CAMKMT: variants seen among roughly 807,000 people sequenced by gnomAD.
CAMKMT encodes CaM KMT.
A neutral mutation model predicts 48.0 loss-of-function variants in CAMKMT; 53 were observed. The observed-to-expected ratio is 1.10, with a 90% confidence interval of 0.89 to 1.39. The LOEUF (loss-of-function observed/expected upper bound fraction) is 1.39. Ranked by LOEUF, CAMKMT falls within the 40% of genes most tolerant of loss-of-function variation. The pLI is 0.00. For missense variants in CAMKMT, 428 were observed against 402.7 expected (o/e 1.06, Z -0.54); for synonymous variants, 165 against 152.3 (o/e 1.08, Z -0.61).
intron 3 of CAMKMT, among the ~76,000 whole-genome samples, chr2:44,574,006 G>A (rs545217917): frequency 6.6e-6 from 1 of 152,156 alleles, no homozygotes; most frequent in African/African-American, 2.4e-5. Flanking sequence ...TTTTTCTTGA[G>A]TGTTTTTATT....
chr2:44,547,265 A>G (rs113024497), intron 3 of CAMKMT, among the ~76,000 whole-genome samples: 2 of 152,162 alleles, frequency 1.3e-5, no homozygotes, highest in African/African-American at 4.8e-5. Context: ...GCAGAAGTAA[A>G]AGTAAAAACT....
At chr2:44,381,862 C>A (rs1437997958) in intron 2 of CAMKMT, among the ~76,000 whole-genome samples, 1 of 151,538 alleles carries the variant, frequency 6.6e-6, no homozygotes. Context: ...TTGAAGGAAC[C>A]GTATATTGCT....
chr2:44,510,880 G>T (rs560322721), intron 3 of CAMKMT, among the ~76,000 whole-genome samples: 1 of 151,668 alleles, frequency 6.6e-6, no homozygotes, highest in South Asian at 2.1e-4. Context: ...TTGCTGTGTT[G>T]CCCAGGCTGG....
At chr2:44,578,631 C>T (rs1349278431) in intron 3 of CAMKMT, among the ~76,000 whole-genome samples, 1 of 152,126 alleles carries the variant, frequency 6.6e-6, no homozygotes, top group Non-Finnish European at 1.5e-5. Flanking sequence ...GAAACACTTT[C>T]CTAGTTCTAC....
intron 3 of CAMKMT, among the ~76,000 whole-genome samples, chr2:44,611,221 C>T (rs988640848): frequency 5.9e-5 from 9 of 152,226 alleles, no homozygotes; most frequent in Middle Eastern, 6.8e-3. Flanking sequence ...CACCCGAGGT[C>T]AGGAGTTGGA....
intron 3 of CAMKMT, among the ~76,000 whole-genome samples, chr2:44,488,843 TTG>T (rs142299931): frequency 1.8e-3 from 249 of 141,966 alleles, no homozygotes; most frequent in East Asian, 3.9e-3. Flanking sequence ...CTTAGGGTAT[TTG>T]TGTGTGTGTG....
chr2:44,482,374 C>T (rs1199574620), intron 3 of CAMKMT, among the ~76,000 whole-genome samples: 1 of 152,008 alleles, frequency 6.6e-6, no homozygotes, highest in Non-Finnish European at 1.5e-5. Flanking sequence ...TCCAAAAATT[C>T]TTCAGGAGGT....
chr2:44,771,932 T>C, intron 10 of CAMKMT, 104 bp from the exon 11 acceptor site: 1 of 761,384 alleles, frequency 1.3e-6, no homozygotes, highest in South Asian at 1.7e-5. Context: ...TCCAGAACTA[T>C]ATATTTTGGT....
At chr2:44,507,375 A>G (rs1334464345) in intron 3 of CAMKMT, among the ~76,000 whole-genome samples, 1 of 152,176 alleles carries the variant, frequency 6.6e-6, no homozygotes, top group East Asian at 1.9e-4. Context: ...AGCACTTATA[A>G]AAAAAACCTT....
intron 3 of CAMKMT, among the ~76,000 whole-genome samples, chr2:44,493,885 C>A (rs1000239813): frequency 6.6e-6 from 1 of 152,008 alleles, no homozygotes; most frequent in South Asian, 2.1e-4. Context: ...AACTGTTAAC[C>A]CTAATTTATT....
At chr2:44,559,524 C>G (rs1668210756) in intron 3 of CAMKMT, among the ~76,000 whole-genome samples, 1 of 150,788 alleles carries the variant, frequency 6.6e-6, no homozygotes, top group African/African-American at 2.4e-5. Flanking sequence ...TTTCTTCAAA[C>G]TAAGAATTTC....
chr2:44,438,920 C>T (rs538724314), intron 3 of CAMKMT, among the ~76,000 whole-genome samples: 2 of 152,282 alleles, frequency 1.3e-5, no homozygotes, highest in East Asian at 1.9e-4. Context: ...CACGGCATCC[C>T]CTTAACCCCT....
chr2:44,584,950 G>T (rs1669771289), intron 3 of CAMKMT, among the ~76,000 whole-genome samples: 1 of 151,926 alleles, frequency 6.6e-6, no homozygotes, highest in African/African-American at 2.4e-5. Flanking sequence ...AGCTACTTGG[G>T]AGGCTGAGGC....
intron 3 of CAMKMT, among the ~76,000 whole-genome samples, chr2:44,506,403 G>A (rs1208597118): frequency 6.6e-6 from 1 of 152,080 alleles, no homozygotes; most frequent in Non-Finnish European, 1.5e-5. Context: ...CCTTGCATGT[G>A]AGACAGTTTT....
chr2:44,626,475 G>C (rs1409664789), intron 3 of CAMKMT, among the ~76,000 whole-genome samples: 1 of 151,838 alleles, frequency 6.6e-6, no homozygotes, highest in African/African-American at 2.4e-5. Flanking sequence ...AGTCCATTTG[G>C]GCTATTATGT....
intron 1 of CAMKMT, among the ~76,000 whole-genome samples, chr2:44,372,041 TTGAAATTCAAC>T (rs1463669919): frequency 6.6e-6 from 1 of 152,182 alleles, no homozygotes; most frequent in East Asian, 1.9e-4. Flanking sequence ...TAGGTAAGCT[TTGAAATTCAAC>T]TTTTCTCTCC....
Position 44,362,150 on chromosome 2 carries a change from G to T in CAMKMT, c.138+5G>T. ...CGGTGGAAGCTCCTGCGGCAGGTAA[G>T]GGAGAACCTGCTCGCCTCACCTTTG... On this transcript the variant is annotated splice_donor_5th_base_variant and intron_variant, in intron 1 of 10. Transcript: ENST00000378494. 6.8e-7 allele frequency: 1 copy of T among 1,466,556 alleles called. No homozygotes were observed. 90.8% of individuals were successfully genotyped at this position (1,466,556 alleles called of 1,614,324 possible). A position where few individuals can be genotyped will look rare whatever the true frequency, so the allele number is the denominator to read the frequency against.
rs1055518005 is a variant in CAMKMT, at chr2:44,390,396, A to G, written c.376+91A>G. The G allele has an allele frequency of 4.3e-6, 4 of 922,462 alleles. No homozygotes were observed. The South Asian group carries it at 6.3e-5, about 15-fold the overall frequency. The allele number at this position is 922,462 out of a possible 1,614,324, so 57.1% of individuals were successfully genotyped here. On this transcript the variant is annotated intron_variant, in intron 3 of 10. Transcript: ENST00000378494. Reference sequence around the variant, plus strand: ...TTTTCTTCTCACTAATATTTATTATACTCACTAAATGTATGCATATATGTA... The same window carrying G: ...TTTTCTTCTCACTAATATTTATTATGCTCACTAAATGTATGCATATATGTA...
At chr2:44,669,493 C>G (rs1377418573) in intron 3 of CAMKMT, among the ~76,000 whole-genome samples, 1 of 152,208 alleles carries the variant, frequency 6.6e-6, no homozygotes, top group African/African-American at 2.4e-5. Context: ...TAATTATCCT[C>G]TGAAGTGTTG....
Sources: allele counts gnomAD v4.1 joint callset (sites outside exome capture counted in the v4.1 genomes callset), GRCh38; gene constraint gnomAD v4.1.1; transcripts MANE v1.5; gene names NCBI Gene and HGNC (gene_info 2026-07-23, HGNC 2026-07-21).